MARVELD2: variants seen among roughly 807,000 people sequenced by gnomAD.
The protein encoded by MARVELD2 is MARVEL domain-containing protein 2.
In MARVELD2, 49 loss-of-function variants were observed where a neutral mutation model predicts 57.6. The ratio of observed to expected loss-of-function variants is 0.85; its 90% CI spans 0.68 to 1.08. The LOEUF (loss-of-function observed/expected upper bound fraction) is 1.08, where lower values mean the gene tolerates loss of function less well. Ranked by LOEUF, MARVELD2 falls within the 50% of genes least tolerant of loss-of-function variation. MARVELD2 has a pLI of 0.00. For missense variants in MARVELD2, 606 were observed against 701.1 expected, an observed-to-expected ratio of 0.86 and a Z score of 1.53; for synonymous variants, 238 against 258.8, an observed-to-expected ratio of 0.92 and a Z score of 0.77.
At chr5:69,426,672 T>C (rs1766804834) in intron 3 of MARVELD2, among the ~76,000 whole-genome samples, 2 of 151,784 alleles carry the variant, frequency 1.3e-5, no homozygotes, top group Admixed American at 6.6e-5. Flanking sequence ...AATTCAGTCT[T>C]TGGATTTGTT....
In MARVELD2 at chr5:69,420,467, T is replaced by G; in HGVS notation, c.1082T>G (p.Val361Gly). The change falls in exon 2 of 7, where the codon GTT becomes GGT. Residue 361 changes from valine (V) to glycine (G), a missense_variant. Val to Gly is a moderately radical substitution (Grantham distance 109, BLOSUM62 -3). Transcript: ENST00000325631. ...TMIVYLISAL[V>G]CLKLWRHEAA... ...ATAGTTTATCTCATTAGTGCTTTGGTTTGCCTAAAGTTATGGAGGCATGAG... is the reference window on the plus strand; with the variant it reads ...ATAGTTTATCTCATTAGTGCTTTGGGTTGCCTAAAGTTATGGAGGCATGAG... 1 of 1,613,620 alleles carries G rather than the reference T, an allele frequency of 6.2e-7. No individual in the cohort carries two copies. Among genetic ancestry groups the G allele is most frequent in the Non-Finnish European group, 8.5e-7 (1 of 1,180,024 alleles).
chr5:69,419,029 G>T, intron 1 of MARVELD2: 1 of 263,490 alleles, frequency 3.8e-6, no homozygotes, highest in Non-Finnish European at 7.2e-6. Context: ...CCGGGTTCAA[G>T]CGGTCTATAC....
In MARVELD2 at chr5:69,419,377, A is replaced by ATGTC. The variant is rs1302668212; in HGVS notation, c.-9_-8insTGTC. ...ACTTTAAATTTGGCCACAGGTGTGA[A>ATGTC]AATCACAAATGTCAAATGATGGAAG... On this transcript the variant is annotated 5_prime_UTR_variant, in exon 2 of 7. In the 5' UTR this introduces an upstream ATG that the reference lacks. Transcript: ENST00000325631. 1 of 1,614,084 alleles carries ATGTC rather than the reference A, an allele frequency of 6.2e-7. No individual in the cohort carries two copies. The highest frequency in any genetic ancestry group is 8.5e-7 in the Non-Finnish European group (1 of 1,180,042).
intron 1 of MARVELD2, chr5:69,419,129 T>C: frequency 1.8e-6 from 1 of 571,368 alleles, no homozygotes; most frequent in Non-Finnish European, 3.1e-6. Context: ...TTTCACCATG[T>C]TGGTCAGGCT....
intron 5 of MARVELD2, among the ~76,000 whole-genome samples, chr5:69,439,782 A>ATATTTATT: frequency 6.6e-6 from 1 of 151,816 alleles, no homozygotes; most frequent in East Asian, 1.9e-4. Flanking sequence ...GTAAATTATT[A>ATATTTATT]TATTTATTTA....
rs1297053287 is a variant in MARVELD2 at position 69,419,802 on chromosome 5, G to A, written c.417G>A (p.Gly139=). The A allele has an allele frequency of 3.7e-6, 6 of 1,614,068 alleles. No homozygotes were observed. The highest frequency in any genetic ancestry group is 1.3e-5 in the African/African-American group (1 of 74,922). ...PLNSCKDPYG[G]SEGTFSSRKE... ...ACTCCTGCAAAGATCCCTACGGAGG[G>A]TCAGAAGGAACCTTTAGTTCCCGGA... Residue 139 remains glycine, a synonymous_variant, in exon 2 of 7, where the codon GGG becomes GGA. Transcript: ENST00000325631.
intron 1 of MARVELD2, 118 bp from the exon 2 acceptor site, chr5:69,419,253 A>C: frequency 1.9e-6 from 2 of 1,032,654 alleles, no homozygotes; most frequent in Non-Finnish European, 1.5e-6. Flanking sequence ...GTATATCATA[A>C]TAATTAGACA....
At chr5:69,433,918 T>G (rs1767054629) in intron 5 of MARVELD2, among the ~76,000 whole-genome samples, 1 of 152,196 alleles carries the variant, frequency 6.6e-6, no homozygotes, top group South Asian at 2.1e-4. Context: ...TCTTCTTTTT[T>G]TTTTTTCACT....
rs1181194778 is a variant in MARVELD2, at chr5:69,419,862, T to C, written c.477T>C (p.Tyr159=). 1 of 1,614,152 alleles carries C rather than the reference T, an allele frequency of 6.2e-7. No individual in the cohort carries two copies. Among genetic ancestry groups the C allele is most frequent in the African/African-American group, 1.3e-5 (1 of 75,044 alleles). ...ACGCAGTGTTTCCCCGGGATCCCTATGGATCTCTAGACCGACACACACAAA... is the reference window on the plus strand; with the variant it reads ...ACGCAGTGTTTCCCCGGGATCCCTACGGATCTCTAGACCGACACACACAAA... The part of the protein sequence containing the change: ...EADAVFPRDP[Y]GSLDRHTQTV... Residue 159 remains tyrosine, a synonymous_variant, in exon 2 of 7, where the codon TAT becomes TAC. Coordinates refer to ENST00000325631, the MANE Select transcript of MARVELD2 (RefSeq NM_001038603.3).
chr5:69,421,034 A>T (rs1766612842), intron 2 of MARVELD2, among the ~76,000 whole-genome samples: 1 of 152,096 alleles, frequency 6.6e-6, no homozygotes, highest in Non-Finnish European at 1.5e-5. Flanking sequence ...AAGTATTGAG[A>T]GATTGAATTG....
chr5:69,435,617 G>A (rs1470093440), intron 5 of MARVELD2, among the ~76,000 whole-genome samples: 1 of 151,738 alleles, frequency 6.6e-6, no homozygotes, highest in Non-Finnish European at 1.5e-5. Flanking sequence ...AGTTGGGCAT[G>A]TTGGCAGGCT....
intron 3 of MARVELD2, among the ~76,000 whole-genome samples, chr5:69,425,423 AAAAG>A (rs1471463055): frequency 2.0e-5 from 3 of 149,468 alleles, no homozygotes; most frequent in African/African-American, 7.3e-5. Context: ...TAAAAAAAAA[AAAAG>A]AAATTGTAGC....
intron 1 of MARVELD2, among the ~76,000 whole-genome samples, chr5:69,417,032 C>T (rs1766451273): frequency 6.6e-6 from 1 of 152,212 alleles, no homozygotes; most frequent in African/African-American, 2.4e-5. Flanking sequence ...TACTATTCAC[C>T]TTCTTACCCA....
intron 6 of MARVELD2, among the ~76,000 whole-genome samples, chr5:69,440,907 A>C (rs1361423071): frequency 2.0e-5 from 3 of 152,136 alleles, no homozygotes; most frequent in Non-Finnish European, 4.4e-5. Context: ...ACATGGCGAA[A>C]CCTTGTCTCT....
At chr5:69,440,812 C>G (rs1257010484) in intron 6 of MARVELD2, among the ~76,000 whole-genome samples, 1 of 152,242 alleles carries the variant, frequency 6.6e-6, no homozygotes, top group East Asian at 1.9e-4. Flanking sequence ...TGGCTGGACA[C>G]TGGCTCAGGC....
intron 3 of MARVELD2, among the ~76,000 whole-genome samples, chr5:69,426,350 T>TATTATTATTATTA (rs61098515): frequency 6.7e-6 from 1 of 148,998 alleles, no homozygotes. Flanking sequence ...TTATTATTAT[T>TATTATTATTATTA]TTTAGACAGA....
In MARVELD2 at chr5:69,427,404, C is replaced by CT. The variant is rs913822973; in HGVS notation, c.1182+2780dup. Among the ~76,000 whole-genome samples, 931 of 140,724 alleles carry CT rather than the reference C, an allele frequency of 6.6e-3. 11 individuals carry two copies. Among genetic ancestry groups the CT allele is most frequent in the African/African-American group, 0.018 (676 of 38,510 alleles). 92.3% of individuals were successfully genotyped at this position (140,724 alleles called of 152,430 possible). On this transcript the variant is annotated intron_variant, in intron 3 of 6. Transcript: ENST00000325631. ...TAGCTAGTTCTCCCTATATCTTTTC[C>CT]TTTTTTTTTTTTGGTTTGTTTTTTT... is the stretch of plus-strand genomic sequence containing the variant.
chr5:69,433,115 G>C (rs1389228535), intron 5 of MARVELD2, 22 bp downstream of exon 5: 1 of 1,598,528 alleles, frequency 6.3e-7, no homozygotes, highest in Non-Finnish European at 8.6e-7. Flanking sequence ...CAGCTGCCTA[G>C]GAGGAGCACT....
chr5:69,436,402 AACACACACACACAC>A (rs66984523), intron 5 of MARVELD2, among the ~76,000 whole-genome samples: 214 of 123,908 alleles, frequency 1.7e-3, no homozygotes, highest in African/African-American at 6.0e-3. Context: ...TATGTATGGG[AACACACACACACAC>A]ACACACACAC....
Sources: gnomAD v4.1 joint callset for allele counts (sites outside exome capture counted in the v4.1 genomes callset) on GRCh38, gnomAD v4.1.1 for gene constraint, MANE v1.5 for transcripts, NCBI Gene and HGNC (gene_info 2026-07-23, HGNC 2026-07-21) for gene names.